ATRNL1: variants seen among roughly 807,000 people sequenced by gnomAD.
The protein encoded by ATRNL1 is attractin-like protein 1.
ATRNL1 carries 95 observed loss-of-function variants against 182.7 expected under a neutral mutation model. That is an observed-to-expected ratio of 0.52 (90% CI 0.44 to 0.62). The LOEUF is 0.62. ATRNL1 is among the 20% of genes least tolerant of loss of function. The pLI is 0.00. For missense variants in ATRNL1, 1,471 were observed against 1,679.5 expected (o/e 0.88, Z 2.17); for synonymous variants, 576 against 568.3 (o/e 1.01, Z -0.19).
chr10:115,550,709 AT>A (rs1852929743), intron 26 of ATRNL1, among the ~76,000 whole-genome samples: 1 of 151,858 alleles, frequency 6.6e-6, no homozygotes, highest in South Asian at 2.1e-4. Context: ...AGGAAGTGGA[AT>A]TCTCTGCAGA....
chr10:115,459,998 G>A (rs1847716610), intron 21 of ATRNL1, among the ~76,000 whole-genome samples: 1 of 152,138 alleles, frequency 6.6e-6, no homozygotes, highest in African/African-American at 2.4e-5. Flanking sequence ...TTTGTCCAAG[G>A]TGATCACTAC....
At chr10:115,318,479 G>C (rs1854417914) in intron 18 of ATRNL1, among the ~76,000 whole-genome samples, 1 of 152,234 alleles carries the variant, frequency 6.6e-6, no homozygotes, top group Middle Eastern at 3.4e-3. Context: ...GGTCATCTTT[G>C]TACCTCTGGT....
intron 26 of ATRNL1, among the ~76,000 whole-genome samples, chr10:115,698,834 A>G (rs1038207775): frequency 6.6e-6 from 1 of 152,086 alleles, no homozygotes. Context: ...CTATCCAGAA[A>G]TGGCCATTAC....
intron 1 of ATRNL1, among the ~76,000 whole-genome samples, chr10:115,112,418 C>T (rs1313251959): frequency 2.6e-5 from 4 of 152,212 alleles, no homozygotes; most frequent in African/African-American, 4.8e-5. Flanking sequence ...GAAAAAACTG[C>T]GTGGATTTCA....
chr10:115,855,474 G>T (rs1555101642), intron 28 of ATRNL1, among the ~76,000 whole-genome samples: 2 of 152,122 alleles, frequency 1.3e-5, no homozygotes, highest in Non-Finnish European at 2.9e-5. Flanking sequence ...CTCTCTGAAG[G>T]CAGTGGCAAT....
chr10:115,325,871 G>T (rs1450735574), intron 18 of ATRNL1, among the ~76,000 whole-genome samples: 3 of 150,062 alleles, frequency 2.0e-5, no homozygotes, highest in Non-Finnish European at 4.4e-5. Flanking sequence ...GCTAAATTTA[G>T]CTGTCTTATT....
Position 115,318,597 on chromosome 10 carries a change from CT to C in ATRNL1, c.3037+2864del, listed in dbSNP as rs1223656627. On this transcript the variant is annotated intron_variant, in intron 18 of 28. Transcript: ENST00000355044. Reference sequence around the variant, plus strand: ...ACTGGTCTATTCAGGGATTCAGCTTCTTTCTGGTTTAGTCTTGGGAGGGTGT... The same window carrying C: ...ACTGGTCTATTCAGGGATTCAGCTTCTTCTGGTTTAGTCTTGGGAGGGTGT... Among the ~76,000 whole-genome samples, 3 of 152,048 alleles carry C rather than the reference CT, an allele frequency of 2.0e-5. No homozygotes were observed. The East Asian group carries it at 5.8e-4, about 29-fold the overall frequency.
At chr10:115,919,352 C>A (rs1952975659) in intron 28 of ATRNL1, among the ~76,000 whole-genome samples, 1 of 152,128 alleles carries the variant, frequency 6.6e-6, no homozygotes, top group African/African-American at 2.4e-5. Context: ...GTTCACTCAG[C>A]CCGGAGGAAG....
intron 25 of ATRNL1, among the ~76,000 whole-genome samples, chr10:115,548,867 C>T: frequency 6.6e-6 from 1 of 152,238 alleles, no homozygotes; most frequent in Non-Finnish European, 1.5e-5. Flanking sequence ...CACCCCTGCA[C>T]TCCTCTCCCA....
At chr10:115,263,103 A>G (rs1851459870) in intron 10 of ATRNL1, among the ~76,000 whole-genome samples, 1 of 151,944 alleles carries the variant, frequency 6.6e-6, no homozygotes, top group Non-Finnish European at 1.5e-5. Flanking sequence ...TAACAGCTTA[A>G]TGGGTAAATA....
chr10:115,174,447 T>C (rs1230691983), intron 8 of ATRNL1, among the ~76,000 whole-genome samples: 4 of 151,848 alleles, frequency 2.6e-5, no homozygotes, highest in African/African-American at 9.7e-5. Context: ...CTCCAATTTA[T>C]AGGATACAGT....
chr10:115,240,953 A>G (rs1850396061), intron 9 of ATRNL1, among the ~76,000 whole-genome samples: 1 of 152,066 alleles, frequency 6.6e-6, no homozygotes, highest in Non-Finnish European at 1.5e-5. Flanking sequence ...AATGAGTGCA[A>G]TCTATAGACT....
At chr10:115,752,424 G>A (rs1948473902) in intron 27 of ATRNL1, among the ~76,000 whole-genome samples, 1 of 152,036 alleles carries the variant, frequency 6.6e-6, no homozygotes, top group Admixed American at 6.6e-5. Flanking sequence ...GTAGGGTTCA[G>A]TGATTTTTAA....
intron 15 of ATRNL1, among the ~76,000 whole-genome samples, chr10:115,298,376 A>G (rs111656182): frequency 1.2e-4 from 19 of 152,238 alleles, no homozygotes; most frequent in African/African-American, 4.3e-4. Context: ...ACTGAGTAAT[A>G]GTTACTTTAA....
chr10:115,311,005 G>A (rs79297845), intron 17 of ATRNL1, among the ~76,000 whole-genome samples: 2,809 of 152,130 alleles, frequency 0.018, 104 homozygotes, highest in African/African-American at 0.065. Flanking sequence ...GATAACTTAT[G>A]TCACAGTTAT....
At chr10:115,880,361 C>T (rs187723653) in intron 28 of ATRNL1, among the ~76,000 whole-genome samples, 18 of 152,262 alleles carry the variant, frequency 1.2e-4, no homozygotes, top group Non-Finnish European at 1.6e-4. Context: ...CGGTGGCTCA[C>T]GCCTGTAATC....
intron 21 of ATRNL1, among the ~76,000 whole-genome samples, chr10:115,443,157 T>A (rs1846781305): frequency 6.6e-6 from 1 of 152,062 alleles, no homozygotes; most frequent in African/African-American, 2.4e-5. Context: ...GAAAAGCTAT[T>A]GATGATTATA....
At chr10:115,549,388 C>A in intron 25 of ATRNL1, 70 bp from the exon 26 acceptor site, 2 of 1,091,778 alleles carry the variant, frequency 1.8e-6, no homozygotes, top group South Asian at 1.7e-5. Flanking sequence ...TTGAGTCTTT[C>A]ATGTACTGTT....
intron 26 of ATRNL1, among the ~76,000 whole-genome samples, chr10:115,690,002 G>T: frequency 6.6e-6 from 1 of 152,208 alleles, no homozygotes; most frequent in South Asian, 2.1e-4. Flanking sequence ...ATGAGGCCTA[G>T]CAGAGAGGTC....
Sources: allele counts gnomAD v4.1 joint callset (sites outside exome capture counted in the v4.1 genomes callset), GRCh38; gene constraint gnomAD v4.1.1; transcripts MANE v1.5; gene names NCBI Gene and HGNC (gene_info 2026-07-23, HGNC 2026-07-21).